The following PIWIL1 variants were observed in gnomAD, a reference collection of about 807,000 sequenced individuals.
PIWIL1 encodes the protein piwi-like protein 1.
PIWIL1 carries 73 observed loss-of-function variants against 114.4 expected under a neutral mutation model. The ratio of observed to expected loss-of-function variants is 0.64; its 90% CI spans 0.53 to 0.78. The LOEUF is 0.78. Among genes scored for constraint, PIWIL1 ranks in the 30% least tolerant of loss-of-function variants. The pLI is 0.00. For synonymous variants in PIWIL1, 375 were observed against 369.0 expected, an observed-to-expected ratio of 1.02 and a Z score of -0.19; for missense variants, 723 against 1,063.1, an observed-to-expected ratio of 0.68 and a Z score of 4.45.
the PIWIL1 span, among the ~76,000 whole-genome samples, chr12:130,418,374 G>A: frequency 2.6e-5 from 4 of 152,322 alleles, no homozygotes; most frequent in African/African-American, 9.6e-5. Flanking sequence ...TCAATAGAAT[G>A]TGAAGCGCTC....
chr12:130,400,072 C>T, the PIWIL1 span, among the ~76,000 whole-genome samples: 4 of 152,138 alleles, frequency 2.6e-5, no homozygotes, highest in African/African-American at 9.7e-5. Flanking sequence ...GCCAAAGAGC[C>T]CCTGGGATTC....
chr12:130,378,264 G>T, the PIWIL1 span, among the ~76,000 whole-genome samples: 1 of 152,152 alleles, frequency 6.6e-6, no homozygotes, highest in Non-Finnish European at 1.5e-5. Context: ...GGCTTCTTTT[G>T]GTCTGCCTGG....
the PIWIL1 span, among the ~76,000 whole-genome samples, chr12:130,380,015 C>T: frequency 9.2e-6 from 1 of 108,484 alleles, no homozygotes; most frequent in Non-Finnish European, 1.8e-5. Flanking sequence ...CATCCCAGTT[C>T]CCATCCAAGC....
chr12:130,377,642 G>C, the PIWIL1 span, among the ~76,000 whole-genome samples: 1 of 152,240 alleles, frequency 6.6e-6, no homozygotes, highest in Non-Finnish European at 1.5e-5. Flanking sequence ...GCCTGGAGGA[G>C]TAGGTCCAGT....
At chr12:130,404,259 G>A in the PIWIL1 span, among the ~76,000 whole-genome samples, 2 of 152,058 alleles carry the variant, frequency 1.3e-5, no homozygotes, top group Non-Finnish European at 2.9e-5. Flanking sequence ...ATATATGCTA[G>A]GGGGAAAAAT....
At chr12:130,392,807 G>T in the PIWIL1 span, among the ~76,000 whole-genome samples, 1 of 139,530 alleles carries the variant, frequency 7.2e-6, no homozygotes. Context: ...GTGTCCGTCA[G>T]TTACCTGGTG....
intron 1 of PIWIL1, among the ~76,000 whole-genome samples, chr12:130,340,000 G>C (rs1488056079): frequency 6.6e-6 from 1 of 152,190 alleles, no homozygotes; most frequent in Non-Finnish European, 1.5e-5. Context: ...GGGTGCAAAG[G>C]CATCAATTGT....
chr12:130,361,506 C>T lies in PIWIL1; in HGVS notation c.1875C>T (p.Leu625=), dbSNP rs775677671. Residue 625 remains leucine, a synonymous_variant, in exon 16 of 21, where the codon CTC becomes CTT. Transcript: ENST00000245255. ...ELWRVDIPLK[L]VMIVGIDCYH... Reference sequence around the variant, plus strand: ...CCATATTTGTATTGAAGCTGAAGCTCGTGATGATCGTTGGCATCGATTGTT... The same window carrying T: ...CCATATTTGTATTGAAGCTGAAGCTTGTGATGATCGTTGGCATCGATTGTT... 6.5e-5 allele frequency: 105 copies of T among 1,613,992 alleles called. No homozygotes were observed. The highest frequency in any genetic ancestry group is 8.8e-5 in the Non-Finnish European group (104 of 1,179,980).
Position 130,363,109 on chromosome 12 carries a change from T to C in PIWIL1, c.2160T>C (p.Phe720=). 2 of 1,614,266 alleles carry C rather than the reference T, an allele frequency of 1.2e-6. No homozygotes were observed. Among genetic ancestry groups the C allele is most frequent in the South Asian group, 1.1e-5 (1 of 91,090 alleles). Reference sequence around the variant, plus strand: ...TGGTGAACTACGAAGTGCCACAGTTTTTGGATTGTCTAAAATCCATTGGTA... The same window carrying C: ...TGGTGAACTACGAAGTGCCACAGTTCTTGGATTGTCTAAAATCCATTGGTA... ...KTLVNYEVPQ[F]LDCLKSIGRG... is the part of the protein sequence containing the mutation. Residue 720 remains phenylalanine, a synonymous_variant, in exon 18 of 21, where the codon TTT becomes TTC. Coordinates refer to ENST00000245255, the MANE Select transcript of PIWIL1 (RefSeq NM_004764.5).
At chr12:130,358,204 C>A (rs184508957) in intron 14 of PIWIL1, among the ~76,000 whole-genome samples, 1 of 152,092 alleles carries the variant, frequency 6.6e-6, no homozygotes, top group Non-Finnish European at 1.5e-5. Flanking sequence ...CGCTACCTAG[C>A]GTGGGTGTGT....
At chr12:130,392,283 T>C in the PIWIL1 span, among the ~76,000 whole-genome samples, 5 of 144,806 alleles carry the variant, frequency 3.5e-5, no homozygotes, top group Non-Finnish European at 7.6e-5. Context: ...CTGGTGAATA[T>C]TGAACGTTGT....
chr12:130,411,290 T>C, the PIWIL1 span, among the ~76,000 whole-genome samples: 1 of 152,178 alleles, frequency 6.6e-6, no homozygotes, highest in Admixed American at 6.5e-5. Flanking sequence ...TTCCATGTCA[T>C]CTGTGAACAG....
At chr12:130,418,777 G>A in the PIWIL1 span, among the ~76,000 whole-genome samples, 1 of 152,140 alleles carries the variant, frequency 6.6e-6, no homozygotes, top group Non-Finnish European at 1.5e-5. Context: ...TTCTCAGTAG[G>A]TGGCTTATAC....
chr12:130,371,811 A>G lies in PIWIL1; in HGVS notation c.*213A>G, dbSNP rs566290505. On this transcript the variant is annotated 3_prime_UTR_variant, in exon 21 of 21. Coordinates refer to ENST00000245255, the MANE Select transcript of PIWIL1 (RefSeq NM_004764.5). ...TTTATATTTTATCTTCTTGTTTCTC[A>G]TAGATATTTTGTGAGCATTTTTTTG... 3.1e-6 allele frequency: 1 copy of G among 326,790 alleles called. No homozygotes were observed. Among genetic ancestry groups the G allele is most frequent in the South Asian group, 6.2e-5 (1 of 16,210 alleles). The allele number at this position is 326,790 out of a possible 1,614,324, so 20.2% of individuals were successfully genotyped here. A position where few individuals can be genotyped will look rare whatever the true frequency, so the allele number is the denominator to read the frequency against.
the PIWIL1 span, chr12:130,414,577 A>AC: frequency 3.4e-6 from 1 of 293,302 alleles, no homozygotes; most frequent in Admixed American, 4.7e-5. Context: ...CAGAGAGCAC[A>AC]GGCTGGGGCA....
Position 130,346,989 on chromosome 12 carries a change from A to ACGATCACTTTC in PIWIL1, c.590_591insCCGATCACTTT (p.Leu197PhefsTer5). ...CCGGAATGGAGAGGATGTGAGGATA[A>ACGATCACTTTC]CGATCACTTTAACAAATGAACTTCC... On this transcript the variant is annotated frameshift_variant, in exon 6 of 21. Transcript: ENST00000245255. LOFTEE classifies it high-confidence loss of function. 1 of 1,613,930 alleles carries ACGATCACTTTC rather than the reference A, an allele frequency of 6.2e-7. No homozygotes were observed. Among genetic ancestry groups the ACGATCACTTTC allele is most frequent in the South Asian group, 1.1e-5 (1 of 91,046 alleles).
At chr12:130,341,442 A>G (rs1013875801) in intron 1 of PIWIL1, among the ~76,000 whole-genome samples, 3 of 152,284 alleles carry the variant, frequency 2.0e-5, no homozygotes, top group African/African-American at 7.2e-5. Context: ...CCTAAGATCT[A>G]ACTACTTCAT....
chr12:130,410,444 A>T, the PIWIL1 span, among the ~76,000 whole-genome samples: 5 of 152,140 alleles, frequency 3.3e-5, no homozygotes, highest in Non-Finnish European at 5.9e-5. Context: ...TCGTTGCCTG[A>T]TTATTATAAA....
Position 130,338,061 on chromosome 12 carries a change from G to A in PIWIL1, c.-98G>A, listed in dbSNP as rs1005948422. 1.1e-5 allele frequency: 2 copies of A among 183,532 alleles called. No homozygotes were observed. Among genetic ancestry groups the A allele is most frequent in the African/African-American group, 2.4e-5 (1 of 41,618 alleles). The allele number at this position is 183,532 out of a possible 1,614,324, so 11.4% of individuals were successfully genotyped here. On this transcript the variant is annotated 5_prime_UTR_variant, in exon 1 of 21. Coordinates refer to ENST00000245255, the MANE Select transcript of PIWIL1 (RefSeq NM_004764.5). ...GGAGGTCCTGGGAGGTCGGCGGCGC[G>A]GAGGGATCTCCGCGGGAGCCGTTGG...
Sources: allele counts gnomAD v4.1 joint callset (sites outside exome capture counted in the v4.1 genomes callset), GRCh38; gene constraint gnomAD v4.1.1; transcripts MANE v1.5; gene names NCBI Gene and HGNC (gene_info 2026-07-23, HGNC 2026-07-21).